Variants in PRR5L observed in about 807,000 individuals in gnomAD.
The protein encoded by PRR5L is proline rich 5 like, also known as proline-rich protein 5-like.
PRR5L carries 21 observed loss-of-function variants against 36.4 expected under a neutral mutation model. That is an observed-to-expected ratio of 0.58 (90% CI 0.41 to 0.83). The LOEUF (loss-of-function observed/expected upper bound fraction) is 0.83. Ranked by LOEUF, PRR5L falls within the 40% of genes least tolerant of loss-of-function variation. The probability of loss-of-function intolerance (pLI) is 0.00; values close to 1 mark genes in which losing one functional copy is unlikely to be tolerated. For missense variants in PRR5L, 381 were observed against 473.3 expected (o/e 0.80, Z 1.81); for synonymous variants, 188 against 197.0 (o/e 0.95, Z 0.38).
Position 36,363,836 on chromosome 11 carries a change from C to G in PRR5L, c.-125-37161C>G, listed in dbSNP as rs150897528. Among the ~76,000 whole-genome samples the G allele has an allele frequency of 1.3e-3, 196 of 152,316 alleles. 1 individual carries two copies. Among genetic ancestry groups the G allele is most frequent in the African/African-American group, 4.3e-3 (178 of 41,574 alleles). On this transcript the variant is annotated intron_variant, in intron 1 of 8. Transcript: ENST00000530639. ...AATCGGCTGTTAATTTCCAGTAGGA[C>G]GAACAGGAACCCTTTCAACCAGGAA...
chr11:36,352,926 TCGTGGAA>T (rs1326322749), intron 1 of PRR5L, among the ~76,000 whole-genome samples: 2 of 152,192 alleles, frequency 1.3e-5, no homozygotes, highest in Non-Finnish European at 2.9e-5. Flanking sequence ...TTCTGCCTTG[TCGTGGAA>T]GTGACAGGAA....
At chr11:36,399,350 G>T (rs959270766) in intron 1 of PRR5L, among the ~76,000 whole-genome samples, 11 of 152,114 alleles carry the variant, frequency 7.2e-5, no homozygotes, top group African/African-American at 2.7e-4. Flanking sequence ...CTGCCTCTTC[G>T]TATTACAAGT....
chr11:36,400,524 G>A lies in PRR5L; in HGVS notation c.-125-473G>A, dbSNP rs547453240. 3.5e-4 allele frequency among the ~76,000 whole-genome samples: 53 copies of A among 152,326 alleles called. 1 individual carries two copies. The highest frequency in any genetic ancestry group is 2.2e-4 in the Non-Finnish European group (15 of 68,028). On this transcript the variant is annotated intron_variant, in intron 1 of 8. Transcript: ENST00000530639. ...GGAAGGTGAGATGTGCTTGAGTGAA[G>A]AGTCACTGATACTTTGAGAAAAACT...
At chr11:36,460,345 G>A (rs1045508441) in intron 8 of PRR5L, among the ~76,000 whole-genome samples, 3 of 152,052 alleles carry the variant, frequency 2.0e-5, no homozygotes, top group Admixed American at 6.5e-5. Flanking sequence ...AGGACCCGGC[G>A]CTGGGTCTCA....
intron 4 of PRR5L, among the ~76,000 whole-genome samples, chr11:36,425,160 C>A (rs1011930414): frequency 6.6e-6 from 1 of 152,218 alleles, no homozygotes; most frequent in African/African-American, 2.4e-5. Flanking sequence ...GATTGTGAGG[C>A]ACGCTCAAGT....
intron 1 of PRR5L, among the ~76,000 whole-genome samples, chr11:36,330,951 G>A (rs1341714688): frequency 6.6e-6 from 1 of 151,948 alleles, no homozygotes; most frequent in South Asian, 2.1e-4. Context: ...GATTACAGAC[G>A]TCCACCACCC....
chr11:36,405,113 A>ATAC (rs1290495651), intron 3 of PRR5L, among the ~76,000 whole-genome samples: 2 of 152,184 alleles, frequency 1.3e-5, no homozygotes, highest in African/African-American at 2.4e-5. Flanking sequence ...GGAGAGGTAC[A>ATAC]GGTCAAGCCA....
At chr11:36,431,578 C>T (rs1408447476) in intron 4 of PRR5L, among the ~76,000 whole-genome samples, 1 of 152,066 alleles carries the variant, frequency 6.6e-6, no homozygotes, top group Non-Finnish European at 1.5e-5. Flanking sequence ...CGAATTCATC[C>T]CAAGTTTGTG....
intron 3 of PRR5L, among the ~76,000 whole-genome samples, chr11:36,416,109 A>G (rs979920914): frequency 1.3e-5 from 2 of 152,176 alleles, no homozygotes; most frequent in South Asian, 2.1e-4. Flanking sequence ...GCCTGGATGA[A>G]CATAATCTTT....
chr11:36,392,435 C>G (rs952164798), intron 1 of PRR5L, among the ~76,000 whole-genome samples: 10 of 152,210 alleles, frequency 6.6e-5, no homozygotes, highest in Admixed American at 5.9e-4. Flanking sequence ...TTCCCACCAA[C>G]AGTATATGAA....
chr11:36,374,962 C>T (rs1025640859), intron 1 of PRR5L, among the ~76,000 whole-genome samples: 3 of 152,144 alleles, frequency 2.0e-5, no homozygotes, highest in Non-Finnish European at 4.4e-5. Context: ...TTGCCAGGCA[C>T]GGTGGCTTAT....
intron 4 of PRR5L, 110 bp downstream of exon 4, chr11:36,419,413 C>T (rs1213822097): frequency 2.3e-5 from 22 of 953,608 alleles, no homozygotes; most frequent in East Asian, 7.2e-5. Flanking sequence ...GACAAAATTA[C>T]GTATCTCAAG....
At chr11:36,311,067 G>A (rs574388933) in intron 1 of PRR5L, among the ~76,000 whole-genome samples, 2 of 150,730 alleles carry the variant, frequency 1.3e-5, no homozygotes, top group Non-Finnish European at 2.9e-5. Context: ...CCATGTGCAT[G>A]AGCATAATGC....
At chr11:36,338,131 T>C (rs1856785615) in intron 1 of PRR5L, among the ~76,000 whole-genome samples, 1 of 152,202 alleles carries the variant, frequency 6.6e-6, no homozygotes, top group South Asian at 2.1e-4. Context: ...GAAAATAAAT[T>C]AGATGTCTTG....
At chr11:36,407,092 T>C (rs1857927123) in intron 3 of PRR5L, among the ~76,000 whole-genome samples, 1 of 152,258 alleles carries the variant, frequency 6.6e-6, no homozygotes, top group South Asian at 2.1e-4. Context: ...ATGATTCTTA[T>C]TACTGTGAAC....
At chr11:36,351,028 ATT>A (rs1856933240) in intron 1 of PRR5L, among the ~76,000 whole-genome samples, 1 of 37,144 alleles carries the variant, frequency 2.7e-5, no homozygotes, top group African/African-American at 1.6e-4. Flanking sequence ...ATATTTATAT[ATT>A]TATTTTTTAA....
chr11:36,337,337 C>T (rs1055690427), intron 1 of PRR5L, among the ~76,000 whole-genome samples: 3 of 152,158 alleles, frequency 2.0e-5, no homozygotes. Context: ...CCTCTTCTGC[C>T]ACGTGAGGAC....
intron 1 of PRR5L, among the ~76,000 whole-genome samples, chr11:36,324,478 T>A (rs151023237): frequency 6.6e-6 from 1 of 152,296 alleles, no homozygotes; most frequent in Non-Finnish European, 1.5e-5. Flanking sequence ...TCTGGGTGTG[T>A]ACATATGTAG....
At chr11:36,361,099 T>C (rs1390973454) in intron 1 of PRR5L, among the ~76,000 whole-genome samples, 4 of 152,214 alleles carry the variant, frequency 2.6e-5, no homozygotes, top group Non-Finnish European at 5.9e-5. Flanking sequence ...TTGAGATCCT[T>C]TTAGGAGGTC....
Sources: gnomAD v4.1 joint callset for allele counts (sites outside exome capture counted in the v4.1 genomes callset) on GRCh38, gnomAD v4.1.1 for gene constraint, MANE v1.5 for transcripts, NCBI Gene and HGNC (gene_info 2026-07-23, HGNC 2026-07-21) for gene names.